IMMP2L: variants seen among roughly 807,000 people sequenced by gnomAD.
IMMP2L encodes inner mitochondrial membrane peptidase subunit 2, also known as mitochondrial inner membrane protease subunit 2.
A neutral mutation model predicts 19.3 loss-of-function variants in IMMP2L; 18 were observed. That is an observed-to-expected ratio of 0.93 (90% CI 0.64 to 1.38). The LOEUF is 1.38. Ranked by LOEUF, IMMP2L falls within the 40% of genes most tolerant of loss-of-function variation. IMMP2L has a pLI of 0.00. For missense variants in IMMP2L, 233 were observed against 218.2 expected, an observed-to-expected ratio of 1.07 and a Z score of -0.43; for synonymous variants, 76 against 73.0, an observed-to-expected ratio of 1.04 and a Z score of -0.21.
chr7:111,515,085 G>A (rs1845769857), intron 2 of IMMP2L, among the ~76,000 whole-genome samples: 1 of 151,972 alleles, frequency 6.6e-6, no homozygotes, highest in African/African-American at 2.4e-5. Flanking sequence ...CTCACTTACA[G>A]AGCTCATTTT....
At chr7:111,340,607 G>A (rs1252067852) in intron 3 of IMMP2L, among the ~76,000 whole-genome samples, 2 of 151,966 alleles carry the variant, frequency 1.3e-5, no homozygotes, top group Non-Finnish European at 1.5e-5. Flanking sequence ...TCCACTCCTA[G>A]ATTTATACCA....
chr7:111,022,748 A>G (rs1343531391), intron 3 of IMMP2L, among the ~76,000 whole-genome samples: 1 of 152,212 alleles, frequency 6.6e-6, no homozygotes, highest in Non-Finnish European at 1.5e-5. Flanking sequence ...TCATGTCATA[A>G]CATCCAATTG....
At chr7:111,316,845 C>CTTTTTTTTTTTTTT (rs869155077) in intron 3 of IMMP2L, among the ~76,000 whole-genome samples, 51 of 75,908 alleles carry the variant, frequency 6.7e-4, no homozygotes, top group Non-Finnish European at 8.8e-4. Flanking sequence ...TTTTTTTTTT[C>CTTTTTTTTTTTTTT]TTTTTTTTTT....
chr7:110,986,221 A>C lies in IMMP2L; in HGVS notation c.240-22656T>G, dbSNP rs192280329. Among the ~76,000 whole-genome samples the C allele has an allele frequency of 6.2e-3, 948 of 152,138 alleles. 8 individuals carry two copies. Among genetic ancestry groups the C allele is most frequent in the Non-Finnish European group, 8.8e-3 (601 of 67,994 alleles). ...AAAATATGCTGAGCTTAAAAAAAAA[A>C]CAAAGTTTGAGCTTTTCCTGGTTAC... On this transcript the variant is annotated intron_variant, in intron 3 of 5. Transcript: ENST00000405709.
At chr7:111,082,775 A>C (rs577410796) in intron 3 of IMMP2L, among the ~76,000 whole-genome samples, 82 of 151,560 alleles carry the variant, frequency 5.4e-4, no homozygotes, top group African/African-American at 1.9e-3. Flanking sequence ...AGATGTAAGA[A>C]GTGCTCTTAA....
intron 5 of IMMP2L, among the ~76,000 whole-genome samples, chr7:110,675,950 T>C (rs530033911): frequency 2.0e-5 from 3 of 152,344 alleles, no homozygotes; most frequent in Admixed American, 1.3e-4. Context: ...ACTATTGTTA[T>C]ACTCTGAGGG....
intron 3 of IMMP2L, among the ~76,000 whole-genome samples, chr7:111,475,702 G>T (rs1389407215): frequency 6.6e-6 from 1 of 151,978 alleles, no homozygotes; most frequent in Admixed American, 6.6e-5. Context: ...AAGAAACAAA[G>T]ATTTCTACCA....
intron 4 of IMMP2L, among the ~76,000 whole-genome samples, chr7:110,946,083 G>T (rs1251133978): frequency 6.6e-6 from 1 of 152,142 alleles, no homozygotes; most frequent in African/African-American, 2.4e-5. Context: ...GGCCAAATAC[G>T]AAAACAGGTT....
In IMMP2L at chr7:111,555,325, G is replaced by T. The variant is rs567505369; in HGVS notation, c.-3+6526C>A. On this transcript the variant is annotated intron_variant, in intron 1 of 5. Transcript: ENST00000405709. ...GGCCAGACGTAGTGAGAGCAAGACA[G>T]CAGTGAACTGTGGGGCAGGAAAGAA... Among the ~76,000 whole-genome samples the T allele has an allele frequency of 2.0e-3, 306 of 152,228 alleles. 3 individuals are homozygous for T. The highest frequency in any genetic ancestry group is 3.6e-3 in the Non-Finnish European group (246 of 68,008).
At chr7:111,175,926 A>G (rs1807010895) in intron 3 of IMMP2L, among the ~76,000 whole-genome samples, 2 of 151,948 alleles carry the variant, frequency 1.3e-5, no homozygotes, top group South Asian at 2.1e-4. Flanking sequence ...CAAAAATAGG[A>G]AAAAATCCAA....
chr7:110,772,069 A>C (rs919331634), intron 5 of IMMP2L, among the ~76,000 whole-genome samples: 1 of 152,146 alleles, frequency 6.6e-6, no homozygotes. Flanking sequence ...GAAACCCTCC[A>C]AAAGCTGCCT....
intron 3 of IMMP2L, among the ~76,000 whole-genome samples, chr7:111,431,130 C>A (rs547244795): frequency 6.6e-6 from 1 of 151,832 alleles, no homozygotes; most frequent in Admixed American, 6.6e-5. Flanking sequence ...ATACACTGTG[C>A]CCTTTTTTAT....
At chr7:110,684,054 A>G (rs1792930794) in intron 5 of IMMP2L, among the ~76,000 whole-genome samples, 1 of 152,106 alleles carries the variant, frequency 6.6e-6, no homozygotes, top group Admixed American at 6.6e-5. Flanking sequence ...TTGAATGTGC[A>G]CAGTTATTGT....
intron 3 of IMMP2L, among the ~76,000 whole-genome samples, chr7:111,061,575 C>G (rs536453091): frequency 6.6e-6 from 1 of 152,236 alleles, no homozygotes; most frequent in South Asian, 2.1e-4. Flanking sequence ...CCTATCAAAG[C>G]TACCCCCAAA....
At position 111,487,841 on chromosome 7, in the gene IMMP2L, T is replaced by C. The variant is rs913235788; in HGVS notation, c.136-500A>G. ...GATAGGATTACCATTATAAAATGTATGGATTTCCCACTTTGACCTCTCTTT... is the reference window on the plus strand; with the variant it reads ...GATAGGATTACCATTATAAAATGTACGGATTTCCCACTTTGACCTCTCTTT... On this transcript the variant is annotated intron_variant, in intron 2 of 5. Coordinates refer to ENST00000405709, the MANE Select transcript of IMMP2L (RefSeq NM_032549.4). 4.6e-5 allele frequency among the ~76,000 whole-genome samples: 7 copies of C among 152,176 alleles called. 1 individual carries two copies. The highest frequency in any genetic ancestry group is 1.9e-4 in the East Asian group (1 of 5,198).
At chr7:111,233,207 C>A (rs1813906468) in intron 3 of IMMP2L, among the ~76,000 whole-genome samples, 1 of 152,056 alleles carries the variant, frequency 6.6e-6, no homozygotes, top group African/African-American at 2.4e-5. Flanking sequence ...TGAGTAATCC[C>A]TTTACAGCAT....
At chr7:111,283,685 T>C (rs897768187) in intron 3 of IMMP2L, among the ~76,000 whole-genome samples, 1 of 151,968 alleles carries the variant, frequency 6.6e-6, no homozygotes, top group African/African-American at 2.4e-5. Flanking sequence ...AAAAGAGACA[T>C]GATTGGCCGG....
chr7:111,012,520 A>T lies in IMMP2L; in HGVS notation c.240-48955T>A, dbSNP rs573584499. On this transcript the variant is annotated intron_variant, in intron 3 of 5. Transcript: ENST00000405709. ...AGTAATATTTATATATGATATTAACATAGGGGCAAATGAAACATAGTTGAT... is the reference window on the plus strand; with the variant it reads ...AGTAATATTTATATATGATATTAACTTAGGGGCAAATGAAACATAGTTGAT... Among the ~76,000 whole-genome samples, 56 of 152,340 alleles carry T rather than the reference A, an allele frequency of 3.7e-4. 1 individual carries two copies. The South Asian group carries it at 7.9e-3, about 21-fold the overall frequency.
At chr7:110,717,098 C>T (rs753845790) in intron 5 of IMMP2L, among the ~76,000 whole-genome samples, 23 of 152,094 alleles carry the variant, frequency 1.5e-4, no homozygotes, top group Non-Finnish European at 3.4e-4. Context: ...AAGAAGGTAG[C>T]GGATAGAGCA....
Sources: gnomAD v4.1 joint callset for allele counts (sites outside exome capture counted in the v4.1 genomes callset) on GRCh38, gnomAD v4.1.1 for gene constraint, MANE v1.5 for transcripts, NCBI Gene and HGNC (gene_info 2026-07-23, HGNC 2026-07-21) for gene names.